The following ORC3 variants were observed in gnomAD, a reference collection of about 807,000 sequenced individuals.
ORC3 encodes the protein homolog of latheo, Drosophila.
Under a neutral mutation model 100.7 loss-of-function variants are expected in ORC3, and 78 were observed. The ratio of observed to expected loss-of-function variants is 0.77; its 90% confidence interval spans 0.65 to 0.94. The LOEUF (loss-of-function observed/expected upper bound fraction) is 0.94. ORC3 is among the 40% of genes least tolerant of loss of function. The pLI is 0.00. For synonymous variants in ORC3, 295 were observed against 289.3 expected (o/e 1.02, Z -0.20); for missense variants, 789 against 823.9 (o/e 0.96, Z 0.52).
intron 11 of ORC3, among the ~76,000 whole-genome samples, chr6:87,626,135 G>T (rs978254295): frequency 6.6e-6 from 1 of 152,118 alleles, no homozygotes; most frequent in South Asian, 2.1e-4. Flanking sequence ...CTCCAGCTTT[G>T]TTCTTTTTGC....
chr6:87,666,980 A>G, intron 19 of ORC3, 38 bp from the exon 20 acceptor site: 1 of 1,312,118 alleles, frequency 7.6e-7, no homozygotes. Flanking sequence ...TTTTGTCAAA[A>G]ATACAGCACG....
chr6:87,619,269 G>A (rs1217142303), intron 9 of ORC3, among the ~76,000 whole-genome samples: 1 of 152,150 alleles, frequency 6.6e-6, no homozygotes, highest in East Asian at 1.9e-4. Context: ...CATTAACCAA[G>A]TTACTTAATC....
intron 12 of ORC3, among the ~76,000 whole-genome samples, chr6:87,636,080 G>A (rs530801998): frequency 6.6e-6 from 1 of 151,806 alleles, no homozygotes; most frequent in Admixed American, 6.5e-5. Flanking sequence ...AAGTAGCTGG[G>A]ACTACAGATG....
intron 16 of ORC3, among the ~76,000 whole-genome samples, chr6:87,661,991 T>C (rs897499756): frequency 6.6e-6 from 1 of 152,218 alleles, no homozygotes; most frequent in Non-Finnish European, 1.5e-5. Flanking sequence ...TGTTTTATCA[T>C]CTAGCTCATA....
At chr6:87,647,067 A>G (rs1768853263) in intron 13 of ORC3, among the ~76,000 whole-genome samples, 1 of 152,134 alleles carries the variant, frequency 6.6e-6, no homozygotes, top group Non-Finnish European at 1.5e-5. Context: ...GCTCACCTGT[A>G]TTATTGCAGT....
chr6:87,657,888 A>G (rs1349385695), intron 15 of ORC3, 33 bp from the exon 16 acceptor site: 4 of 1,200,366 alleles, frequency 3.3e-6, no homozygotes, highest in African/African-American at 3.0e-5. Flanking sequence ...CTGTCTGAGG[A>G]TCACCAGAAA....
At chr6:87,592,396 C>T (rs944388484) in intron 1 of ORC3, among the ~76,000 whole-genome samples, 4 of 151,958 alleles carry the variant, frequency 2.6e-5, no homozygotes, top group East Asian at 1.9e-4. Flanking sequence ...TTTGGGAGGC[C>T]GAGGTGGGTG....
chr6:87,665,994 T>C (rs758070999), intron 19 of ORC3, among the ~76,000 whole-genome samples, 161 bp downstream of exon 19: 6 of 152,238 alleles, frequency 3.9e-5, no homozygotes, highest in Non-Finnish European at 8.8e-5. Flanking sequence ...AATTTCTGAA[T>C]CTTTATTTTG....
chr6:87,663,255 C>G, intron 17 of ORC3, 111 bp downstream of exon 17: 1 of 752,492 alleles, frequency 1.3e-6, no homozygotes, highest in East Asian at 2.7e-5. Context: ...GTCGGCAATT[C>G]AGGGTTGCAC....
At chr6:87,653,733 A>C (rs995876535) in intron 14 of ORC3, among the ~76,000 whole-genome samples, 6 of 152,232 alleles carry the variant, frequency 3.9e-5, no homozygotes, top group Admixed American at 1.3e-4. Context: ...CAAAATCTGC[A>C]TGAGGCTTAC....
intron 13 of ORC3, among the ~76,000 whole-genome samples, chr6:87,649,798 A>T (rs757174218): frequency 6.6e-6 from 1 of 152,146 alleles, no homozygotes; most frequent in Non-Finnish European, 1.5e-5. Context: ...TCAAACTGTT[A>T]AGAATATCGA....
At chr6:87,613,785 C>G (rs1778956537) in intron 8 of ORC3, among the ~76,000 whole-genome samples, 1 of 152,236 alleles carries the variant, frequency 6.6e-6, no homozygotes, top group African/African-American at 2.4e-5. Flanking sequence ...TTTCTCACAT[C>G]CAGGTCATGC....
At chr6:87,656,176 A>C (rs963525033) in intron 14 of ORC3, among the ~76,000 whole-genome samples, 5 of 152,212 alleles carry the variant, frequency 3.3e-5, no homozygotes, top group Non-Finnish European at 7.3e-5. Context: ...TTATTTCAAA[A>C]CTTTTACACA....
intron 16 of ORC3, among the ~76,000 whole-genome samples, chr6:87,661,747 T>TA (rs1433820076): frequency 1.3e-5 from 2 of 152,310 alleles, no homozygotes; most frequent in Non-Finnish European, 2.9e-5. Context: ...AGGACTGGAC[T>TA]AAGCCCCAGA....
At chr6:87,666,213 C>T (rs1582099472) in intron 19 of ORC3, among the ~76,000 whole-genome samples, 1 of 152,118 alleles carries the variant, frequency 6.6e-6, no homozygotes, top group African/African-American at 2.4e-5. Flanking sequence ...CTGACTGCAA[C>T]GTCCGCCTCC....
At chr6:87,622,331 C>G (rs1779595772) in intron 11 of ORC3, among the ~76,000 whole-genome samples, 1 of 151,978 alleles carries the variant, frequency 6.6e-6, no homozygotes, top group African/African-American at 2.4e-5. Context: ...TGGAATCTGC[C>G]AGCAATTTCG....
Position 87,634,904 on chromosome 6 carries a change from T to C in ORC3, c.1245T>C (p.Val415=). ...TTTATCATATGAATTACTTCCTGGT[T>C]TTGAGATGTCTTCATAAGTTCACCT... The part of the protein sequence containing the change: ...LHVYHMNYFL[V]LRCLHKFTSS... The change falls in exon 12 of 20, where the codon GTT becomes GTC. Residue 415 remains valine, a synonymous_variant. Transcript: ENST00000392844. 6.2e-7 allele frequency: 1 copy of C among 1,608,708 alleles called. No individual in the cohort carries two copies. Among genetic ancestry groups the C allele is most frequent in the Non-Finnish European group, 8.5e-7 (1 of 1,175,204 alleles).
At chr6:87,624,136 A>G (rs917888681) in intron 11 of ORC3, among the ~76,000 whole-genome samples, 2 of 152,104 alleles carry the variant, frequency 1.3e-5, no homozygotes, top group Non-Finnish European at 2.9e-5. Context: ...ACCCTGAAAA[A>G]GTTAGCTGCA....
At chr6:87,618,943 G>T (rs1419096275) in intron 9 of ORC3, among the ~76,000 whole-genome samples, 2 of 152,144 alleles carry the variant, frequency 1.3e-5, no homozygotes, top group Non-Finnish European at 2.9e-5. Context: ...TTTTGTATCT[G>T]GTTAATTTAG....
Sources: gnomAD v4.1 joint callset for allele counts (sites outside exome capture counted in the v4.1 genomes callset) on GRCh38, gnomAD v4.1.1 for gene constraint, MANE v1.5 for transcripts, NCBI Gene and HGNC (gene_info 2026-07-23, HGNC 2026-07-21) for gene names.